Variants in ENTREP2 observed in about 807,000 individuals in gnomAD.
ENTREP2 encodes protein ENTREP2.
At chr15:29,354,913 C>T in the ENTREP2 span, among the ~76,000 whole-genome samples, 1 of 152,194 alleles carries the variant, frequency 6.6e-6, no homozygotes, top group African/African-American at 2.4e-5. Flanking sequence ...CCTCCAGATC[C>T]ACCATACACC....
chr15:29,184,582 T>C, the ENTREP2 span, among the ~76,000 whole-genome samples: 1 of 149,994 alleles, frequency 6.7e-6, no homozygotes. Context: ...CATCTCCTCA[T>C]GGAAATCATG....
chr15:29,433,529 C>T, the ENTREP2 span, among the ~76,000 whole-genome samples: 1 of 152,158 alleles, frequency 6.6e-6, no homozygotes, highest in Non-Finnish European at 1.5e-5. Flanking sequence ...TCACATAACA[C>T]AGCTGGTCAA....
the ENTREP2 span, among the ~76,000 whole-genome samples, chr15:29,467,197 G>A: frequency 5.3e-5 from 8 of 152,202 alleles, no homozygotes; most frequent in South Asian, 2.1e-4. Flanking sequence ...GCGGCAAAGC[G>A]ATGGGCAGGG....
At chr15:29,168,949 T>TCA in the ENTREP2 span, among the ~76,000 whole-genome samples, 1 of 152,232 alleles carries the variant, frequency 6.6e-6, no homozygotes, top group African/African-American at 2.4e-5. Context: ...TGGCTGTAAA[T>TCA]TGCCTACATG....
chr15:29,186,264 T>C, the ENTREP2 span, among the ~76,000 whole-genome samples: 1 of 152,338 alleles, frequency 6.6e-6, no homozygotes, highest in East Asian at 1.9e-4. Flanking sequence ...AAGGAGGGAC[T>C]GTCTCTCTGT....
chr15:29,569,814 T>A, the ENTREP2 span: 2 of 152,480 alleles, frequency 1.3e-5, no homozygotes, highest in Admixed American at 1.3e-4. Context: ...ATCCTTAAGG[T>A]CTGGAGCTCA....
chr15:29,227,505 C>T, the ENTREP2 span, among the ~76,000 whole-genome samples: 1 of 152,168 alleles, frequency 6.6e-6, no homozygotes, highest in Non-Finnish European at 1.5e-5. Flanking sequence ...CCTACACCCA[C>T]AGTCCATAAG....
the ENTREP2 span, among the ~76,000 whole-genome samples, chr15:29,444,339 G>A: frequency 1.3e-5 from 2 of 152,184 alleles, no homozygotes; most frequent in Non-Finnish European, 2.9e-5. Flanking sequence ...GCAAGCATGT[G>A]AAATCACGGC....
the ENTREP2 span, chr15:29,234,717 T>C: frequency 6.6e-7 from 1 of 1,520,750 alleles, no homozygotes; most frequent in South Asian, 1.1e-5. Context: ...GTAGTTCCAT[T>C]GTGGCAAGTA....
the ENTREP2 span, among the ~76,000 whole-genome samples, chr15:29,158,931 G>GT: frequency 6.6e-6 from 1 of 151,432 alleles, no homozygotes; most frequent in African/African-American, 2.4e-5. Flanking sequence ...TCCAGTCTAC[G>GT]TAAGTTATGG....
At chr15:29,137,530 T>TG in the ENTREP2 span, among the ~76,000 whole-genome samples, 1 of 152,164 alleles carries the variant, frequency 6.6e-6, no homozygotes, top group Non-Finnish European at 1.5e-5. Context: ...CTGCCTGACG[T>TG]GCGTGGTTTA....
At chr15:29,538,800 C>A in the ENTREP2 span, among the ~76,000 whole-genome samples, 1 of 143,322 alleles carries the variant, frequency 7.0e-6, no homozygotes, top group African/African-American at 2.5e-5. Flanking sequence ...CAAAGCGAGA[C>A]TCTATCTCAA....
At chr15:29,544,973 C>T in the ENTREP2 span, among the ~76,000 whole-genome samples, 50,479 of 152,042 alleles carry the variant, frequency 0.33, 8,677 homozygotes, top group East Asian at 0.42. Flanking sequence ...TGAATTGTCC[C>T]GTAAATGCCT....
the ENTREP2 span, among the ~76,000 whole-genome samples, chr15:29,532,631 G>T: frequency 6.6e-6 from 1 of 152,148 alleles, no homozygotes; most frequent in South Asian, 2.1e-4. Context: ...TAAATGGGTT[G>T]TCCAAGTTAA....
the ENTREP2 span, among the ~76,000 whole-genome samples, chr15:29,607,743 T>A: frequency 2.6e-5 from 4 of 152,258 alleles, no homozygotes. Context: ...CAAGTTTTCC[T>A]AAACTTTTAG....
the ENTREP2 span, among the ~76,000 whole-genome samples, chr15:29,135,519 C>T: frequency 1.3e-5 from 2 of 152,086 alleles, no homozygotes; most frequent in African/African-American, 4.8e-5. The surrounding 1 kb of genome is among the most constrained non-coding windows in gnomAD (Gnocchi z 7.4). Context: ...TGAGTCATGA[C>T]AACAACGATG....
chr15:29,350,100 A>G, the ENTREP2 span, among the ~76,000 whole-genome samples: 1 of 152,096 alleles, frequency 6.6e-6, no homozygotes, highest in Non-Finnish European at 1.5e-5. Context: ...TCTACTAGCT[A>G]TTTCTTTAAA....
At chr15:29,455,767 T>TC in the ENTREP2 span, among the ~76,000 whole-genome samples, 1 of 152,182 alleles carries the variant, frequency 6.6e-6, no homozygotes, top group Non-Finnish European at 1.5e-5. Flanking sequence ...TTACAGCTGC[T>TC]CCCCACTGCT....
chr15:29,319,185 T>G, the ENTREP2 span, among the ~76,000 whole-genome samples: 5 of 152,218 alleles, frequency 3.3e-5, no homozygotes, highest in Admixed American at 6.5e-5. Flanking sequence ...GCAGGCCACT[T>G]CTTACTTCAC....
Sources: allele counts gnomAD v4.1 joint callset (sites outside exome capture counted in the v4.1 genomes callset), GRCh38; gene constraint gnomAD v4.1.1; non-coding constraint Gnocchi (gnomAD v3.1); transcripts MANE v1.5; gene names NCBI Gene and HGNC (gene_info 2026-07-23, HGNC 2026-07-21).